The following SBF2 variants were observed in gnomAD, a reference collection of about 807,000 sequenced individuals.
SBF2 encodes myotubularin-related protein 13.
In SBF2, 112 loss-of-function variants were observed where a neutral mutation model predicts 225.2. That is an observed-to-expected ratio of 0.50 (90% CI 0.43 to 0.58). The LOEUF is 0.58. SBF2 is among the 20% of genes least tolerant of loss of function. The pLI is 0.00. For synonymous variants in SBF2, 763 were observed against 773.3 expected (o/e 0.99, Z 0.22); for missense variants, 1,996 against 2,206.2 (o/e 0.90, Z 1.91).
At chr11:10,143,300 T>C (rs1954735845) in intron 2 of SBF2, among the ~76,000 whole-genome samples, 3 of 152,190 alleles carry the variant, frequency 2.0e-5, no homozygotes, top group Admixed American at 2.0e-4. Context: ...GCCTCCCAAA[T>C]AGCTGGGACT....
intron 6 of SBF2, among the ~76,000 whole-genome samples, chr11:10,005,517 C>T (rs546434745): frequency 1.3e-5 from 2 of 152,256 alleles, no homozygotes; most frequent in Non-Finnish European, 1.5e-5. Flanking sequence ...TCCTTTCATT[C>T]CTGCTCTAAT....
At chr11:10,224,883 G>GGACC (rs1958478214) in intron 1 of SBF2, among the ~76,000 whole-genome samples, 1 of 152,036 alleles carries the variant, frequency 6.6e-6, no homozygotes. Context: ...ATGAGAACAG[G>GGACC]GACCACACCT....
chr11:9,902,027 C>A (rs984458124), intron 16 of SBF2, among the ~76,000 whole-genome samples: 5 of 152,190 alleles, frequency 3.3e-5, no homozygotes, highest in African/African-American at 7.2e-5. Context: ...TGAAGGAAAT[C>A]AAAATATTTT....
chr11:10,261,927 A>G (rs1470528209), intron 1 of SBF2, among the ~76,000 whole-genome samples: 1 of 152,208 alleles, frequency 6.6e-6, no homozygotes, highest in Non-Finnish European at 1.5e-5. Context: ...AAATTAATCT[A>G]TGGCAGACAA....
chr11:10,082,447 T>C (rs1951404867), intron 2 of SBF2, among the ~76,000 whole-genome samples: 1 of 151,964 alleles, frequency 6.6e-6, no homozygotes, highest in Non-Finnish European at 1.5e-5. Context: ...GAAAACTACA[T>C]ATCAATATCC....
chr11:9,969,510 T>C (rs1173375549), intron 13 of SBF2, among the ~76,000 whole-genome samples: 4 of 152,128 alleles, frequency 2.6e-5, no homozygotes, highest in Non-Finnish European at 1.5e-5. Context: ...CCTGCCATGA[T>C]TTCTTTCATT....
At chr11:10,282,246 G>A (rs189273561) in intron 1 of SBF2, among the ~76,000 whole-genome samples, 1 of 152,038 alleles carries the variant, frequency 6.6e-6, no homozygotes, top group Admixed American at 6.6e-5. Context: ...CAATACCTCT[G>A]ACTACTCCTA....
chr11:9,845,531 G>A (rs1209768117), intron 24 of SBF2, 34 bp downstream of exon 24: 1 of 1,587,570 alleles, frequency 6.3e-7, no homozygotes, highest in South Asian at 1.1e-5. Flanking sequence ...AATTACGGGA[G>A]GGCTGAAATT....
chr11:10,041,956 G>C (rs943213184), intron 3 of SBF2, among the ~76,000 whole-genome samples: 2 of 146,034 alleles, frequency 1.4e-5, no homozygotes, highest in Non-Finnish European at 3.0e-5. Flanking sequence ...ACACTTTTTG[G>C]GGCAAAATGG....
chr11:10,178,223 C>T (rs1351464716), intron 2 of SBF2, among the ~76,000 whole-genome samples: 8 of 149,720 alleles, frequency 5.3e-5, no homozygotes, highest in African/African-American at 1.7e-4. Context: ...AACGTTAGAC[C>T]TAAAACCATA....
intron 2 of SBF2, among the ~76,000 whole-genome samples, chr11:10,061,339 C>G (rs1055767013): frequency 2.0e-5 from 3 of 152,068 alleles, no homozygotes; most frequent in Non-Finnish European, 2.9e-5. Flanking sequence ...AATTCCCAGC[C>G]AGAGCAATCA....
At chr11:10,247,313 C>G (rs1959898405) in intron 1 of SBF2, among the ~76,000 whole-genome samples, 1 of 152,042 alleles carries the variant, frequency 6.6e-6, no homozygotes, top group Non-Finnish European at 1.5e-5. Context: ...AAGCAAGTTG[C>G]ATTTACTAAA....
chr11:10,069,857 T>G (rs1160058693), intron 2 of SBF2, among the ~76,000 whole-genome samples: 1 of 152,228 alleles, frequency 6.6e-6, no homozygotes, highest in Non-Finnish European at 1.5e-5. Context: ...CCATTCTAAC[T>G]GGTGTGAGAT....
In SBF2 at chr11:10,000,993, T is replaced by G; in HGVS notation, c.782A>C (p.Gln261Pro). The G allele has an allele frequency of 6.2e-7, 1 of 1,600,590 alleles. No homozygotes were observed. The highest frequency in any genetic ancestry group is 8.6e-7 in the Non-Finnish European group (1 of 1,167,862). Reference sequence around the variant, plus strand: ...TGGGGAACTTAGAACTTCCAGTAGCTGAGCCGGGAGAATAGGGATATAAGG... The same window carrying G: ...TGGGGAACTTAGAACTTCCAGTAGCGGAGCCGGGAGAATAGGGATATAAGG... ...SYPYIPILPA[Q>P]LLEVLSSPTP... is the part of the protein sequence containing the mutation. The change falls in exon 8 of 40, where the codon CAG becomes CCG. Residue 261 changes from glutamine to proline, a missense_variant. By Grantham distance (76) the Gln-to-Pro change is moderately conservative. Transcript: ENST00000256190.
At chr11:10,223,399 T>TTTTA (rs1279386744) in intron 1 of SBF2, among the ~76,000 whole-genome samples, 57 of 59,252 alleles carry the variant, frequency 9.6e-4, no homozygotes, top group Non-Finnish European at 1.6e-3. Flanking sequence ...ATTTTGCACA[T>TTTTA]TATATATATA....
At chr11:9,911,883 G>C (rs1239053294) in intron 16 of SBF2, among the ~76,000 whole-genome samples, 1 of 152,248 alleles carries the variant, frequency 6.6e-6, no homozygotes, top group African/African-American at 2.4e-5. Flanking sequence ...TGGAGCGATA[G>C]GCTATACCAT....
chr11:9,999,581 C>T (rs938039541), intron 8 of SBF2, among the ~76,000 whole-genome samples: 9 of 152,034 alleles, frequency 5.9e-5, no homozygotes, highest in Non-Finnish European at 8.8e-5. Flanking sequence ...CTTGGCCTCC[C>T]GAAGTGCTAG....
chr11:9,879,142 G>A (rs1859531108), intron 17 of SBF2, among the ~76,000 whole-genome samples: 1 of 152,146 alleles, frequency 6.6e-6, no homozygotes, highest in Non-Finnish European at 1.5e-5. Context: ...TAATTTAGCA[G>A]CTCCTCCACA....
At chr11:10,078,166 A>G (rs142402875) in intron 2 of SBF2, among the ~76,000 whole-genome samples, 143 of 152,340 alleles carry the variant, frequency 9.4e-4, no homozygotes, top group African/African-American at 3.0e-3. Flanking sequence ...ATGGAGAAAT[A>G]GAAACGCTTT....
Sources: gnomAD v4.1 joint callset for allele counts (sites outside exome capture counted in the v4.1 genomes callset) on GRCh38, gnomAD v4.1.1 for gene constraint, MANE v1.5 for transcripts, NCBI Gene and HGNC (gene_info 2026-07-23, HGNC 2026-07-21) for gene names.